Variants in CHRD observed in about 807,000 individuals in gnomAD.
CHRD encodes chordin.
A neutral mutation model predicts 113.7 loss-of-function variants in CHRD; 69 were observed. That is an observed-to-expected ratio of 0.61 (90% CI 0.50 to 0.74). The LOEUF is 0.74. Among genes scored for constraint, CHRD ranks in the 30% least tolerant of loss-of-function variants. CHRD has a pLI of 0.00. For missense variants in CHRD, 1,194 were observed against 1,295.8 expected (o/e 0.92, Z 1.21); for synonymous variants, 561 against 540.8 (o/e 1.04, Z -0.52).
At position 184,380,301 on chromosome 3, in the gene CHRD, A is replaced by G. The variant is rs1228989085; in HGVS notation, c.-18A>G. 7 of 1,102,744 alleles carry G rather than the reference A, an allele frequency of 6.3e-6. No individual in the cohort carries two copies. The South Asian group carries it at 7.2e-5, about 11-fold the overall frequency. The allele number at this position is 1,102,744 out of a possible 1,614,324, so 68.3% of individuals were successfully genotyped here. A position where few individuals can be genotyped will look rare whatever the true frequency, so the allele number is the denominator to read the frequency against. On this transcript the variant is annotated 5_prime_UTR_variant, in exon 1 of 23. Coordinates refer to ENST00000204604, the Ensembl canonical transcript of CHRD. The surrounding 1 kb of genome is among the most constrained non-coding windows in gnomAD (Gnocchi z 6.3). ...GCGCCCTCCTCCCTCCCTCCTCCCC[A>G]GCTGTCCCGTTCGCGTCATGCCGAG...
In CHRD at chr3:184,387,688, A is replaced by G. The variant is rs1395046532; in HGVS notation, c.2451+211A>G. On this transcript the variant is annotated intron_variant, in intron 19 of 22. Coordinates refer to ENST00000204604, the Ensembl canonical transcript of CHRD. The surrounding 1 kb of genome is among the most constrained non-coding windows in gnomAD (Gnocchi z 6.1). ...TGGATTCTGGCTCTGCCAGCTAACTAGTGCCAGTGACCCTAGGCACCTTCT... is the reference window on the plus strand; with the variant it reads ...TGGATTCTGGCTCTGCCAGCTAACTGGTGCCAGTGACCCTAGGCACCTTCT... Among the ~76,000 whole-genome samples, 2 of 152,174 alleles carry G rather than the reference A, an allele frequency of 1.3e-5. No homozygotes were observed. Among genetic ancestry groups the G allele is most frequent in the Non-Finnish European group, 2.9e-5 (2 of 68,016 alleles).
chr3:184,386,709 G>A (rs139430266), exon 16 of CHRD: 5 of 1,612,384 alleles, frequency 3.1e-6, no homozygotes, highest in Admixed American at 3.3e-5. Context: ...CACGGGGCTC[G>A]CTGGGCGCCC....
rs1252090378 is a variant in CHRD at position 184,387,805 on chromosome 3, G to C, written c.2452-126G>C. 1.2e-6 allele frequency: 1 copy of C among 852,186 alleles called. No homozygotes were observed. Among genetic ancestry groups the C allele is most frequent in the African/African-American group, 1.7e-5 (1 of 59,700 alleles). 52.8% of individuals were successfully genotyped at this position (852,186 alleles called of 1,614,324 possible). On this transcript the variant is annotated intron_variant, in intron 19 of 22. Coordinates refer to ENST00000204604, the Ensembl canonical transcript of CHRD. The surrounding 1 kb of genome is among the most constrained non-coding windows in gnomAD (Gnocchi z 6.1). The stretch of plus-strand genomic sequence containing the variant: ...GAGGAGCTGAGTTTAGGTCTATAAA[G>C]CCAGTCCGGGCCTCTGAGTAAAAGG...
chr3:184,384,759 A>G lies in CHRD; in HGVS notation c.1597+66A>G. On this transcript the variant is annotated intron_variant, in intron 13 of 22. Coordinates refer to ENST00000204604, the Ensembl canonical transcript of CHRD. The surrounding 1 kb of genome is among the most constrained non-coding windows in gnomAD (Gnocchi z 4.4). ...GAACATTTGAGGGATGGTGGCAGAC[A>G]GCCGGAGCCTGGTGTGTCTTTCTTT... 1.3e-6 allele frequency: 2 copies of G among 1,494,360 alleles called. No homozygotes were observed. Among genetic ancestry groups the G allele is most frequent in the Non-Finnish European group, 1.8e-6 (2 of 1,122,800 alleles). 92.6% of individuals were successfully genotyped at this position (1,494,360 alleles called of 1,614,324 possible). A position where few individuals can be genotyped will look rare whatever the true frequency, so the allele number is the denominator to read the frequency against.
chr3:184,384,724 T>C lies in CHRD; in HGVS notation c.1597+31T>C, dbSNP rs1716014416. ...TGTCCTTAGGGGTCTGTCTGCCCTT[T>C]GGTTTCCTAGAACATTTGAGGGATG... On this transcript the variant is annotated intron_variant, in intron 13 of 22. Coordinates refer to ENST00000204604, the Ensembl canonical transcript of CHRD. This position sits in a 1 kb window ranked among gnomAD's most constrained non-coding sequence, Gnocchi z 4.4. 1 of 1,514,764 alleles carries C rather than the reference T, an allele frequency of 6.6e-7. No homozygotes were observed. The highest frequency in any genetic ancestry group is 8.8e-7 in the Non-Finnish European group (1 of 1,131,032). The allele number at this position is 1,514,764 out of a possible 1,614,324, so 93.8% of individuals were successfully genotyped here.
chr3:184,386,967 G>A, intron 17 of CHRD, 29 bp downstream of exon 17: 1 of 1,614,212 alleles, frequency 6.2e-7, no homozygotes, highest in East Asian at 2.2e-5. Context: ...AGTGGAGGGA[G>A]GAGTTGGCCC....
Position 184,387,831 on chromosome 3 carries a change from C to A in CHRD, c.2452-100C>A. 9.1e-7 allele frequency: 1 copy of A among 1,101,478 alleles called. No homozygotes were observed. Among genetic ancestry groups the A allele is most frequent in the South Asian group, 1.4e-5 (1 of 73,242 alleles). The allele number at this position is 1,101,478 out of a possible 1,614,324, so 68.2% of individuals were successfully genotyped here. A position where few individuals can be genotyped will look rare whatever the true frequency, so the allele number is the denominator to read the frequency against. Reference sequence around the variant, plus strand: ...CCAGTCCGGGCCTCTGAGTAAAAGGCCACAGAGAGACTGCATTTGAGGTGT... The same window carrying A: ...CCAGTCCGGGCCTCTGAGTAAAAGGACACAGAGAGACTGCATTTGAGGTGT... On this transcript the variant is annotated intron_variant, in intron 19 of 22. Coordinates refer to ENST00000204604, the Ensembl canonical transcript of CHRD. This position sits in a 1 kb window ranked among gnomAD's most constrained non-coding sequence, Gnocchi z 6.1.
chr3:184,389,437 G>A (rs1383189071), exon 23 of CHRD: 2 of 1,612,096 alleles, frequency 1.2e-6, no homozygotes, highest in Non-Finnish European at 1.7e-6. Flanking sequence ...CAGCCAGAGG[G>A]CCAAGTGACC....
intron 6 of CHRD, 126 bp from the exon 7 acceptor site, chr3:184,382,263 T>G: frequency 6.8e-7 from 1 of 1,479,104 alleles, no homozygotes; most frequent in Admixed American, 1.9e-5. Context: ...CGTTCTTTCT[T>G]AAGCTTCCTA....
In CHRD at chr3:184,388,609, G is replaced by C. The variant is rs1161031065; in HGVS notation, c.2577G>C (p.Gln859His). ...CAGTGGGGTCGGGGGCCCACCCCCA[G>C]CTGGGGGACCCCATGCAGGCTGATG... Residue 859 changes from glutamine (Q) to histidine (H), a missense_variant, in exon 21 of 23, where the codon CAG becomes CAC. Gln to His is a conservative substitution (Grantham distance 24). Transcript: ENST00000204604. This position sits in a 1 kb window ranked among gnomAD's most constrained non-coding sequence, Gnocchi z 6.1. The C allele has an allele frequency of 6.2e-7, 1 of 1,612,126 alleles. No individual in the cohort carries two copies. The highest frequency in any genetic ancestry group is 1.7e-5 in the Admixed American group (1 of 60,004).
chr3:184,382,391 C>G, exon 7 of CHRD: 1 of 1,614,180 alleles, frequency 6.2e-7, no homozygotes. Flanking sequence ...TGCTCCAGGT[C>G]TGTGGGGTGT....
At position 184,388,606 on chromosome 3, in the gene CHRD, C is replaced by T. The variant is rs1457636538; in HGVS notation, c.2574C>T (p.Pro858=). The change falls in exon 21 of 23, where the codon CCC becomes CCT. Residue 858 remains proline (P), a synonymous_variant. Transcript: ENST00000204604. This position sits in a 1 kb window ranked among gnomAD's most constrained non-coding sequence, Gnocchi z 6.1. Reference sequence around the variant, plus strand: ...CAACAGTGGGGTCGGGGGCCCACCCCCAGCTGGGGGACCCCATGCAGGCTG... The same window carrying T: ...CAACAGTGGGGTCGGGGGCCCACCCTCAGCTGGGGGACCCCATGCAGGCTG... The T allele has an allele frequency of 1.2e-6, 2 of 1,611,916 alleles. No homozygotes were observed. The highest frequency in any genetic ancestry group is 1.7e-5 in the Admixed American group (1 of 59,998).
At position 184,388,234 on chromosome 3, in the gene CHRD, TCC is replaced by T. The variant is rs1251277623; in HGVS notation, c.2554+202_2554+203del. Reference sequence around the variant, plus strand: ...TGGGTTCTGGTTCCTGCTCCATCCATCCGTCCATCCATCCATCCATCCATCCA... The same window carrying T: ...TGGGTTCTGGTTCCTGCTCCATCCATGTCCATCCATCCATCCATCCATCCA... On this transcript the variant is annotated intron_variant, in intron 20 of 22. Coordinates refer to ENST00000204604, the Ensembl canonical transcript of CHRD. This position sits in a 1 kb window ranked among gnomAD's most constrained non-coding sequence, Gnocchi z 6.1. 9.1e-3 allele frequency among the ~76,000 whole-genome samples: 1,261 copies of T among 138,212 alleles called. 19 individuals are homozygous for T. The highest frequency in any genetic ancestry group is 0.032 in the African/African-American group (1,191 of 37,502). The allele number at this position is 138,212 out of a possible 152,430, so 90.7% of individuals were successfully genotyped here.
chr3:184,386,086 G>A (rs376244825), exon 15 of CHRD: 13 of 1,614,084 alleles, frequency 8.1e-6, no homozygotes, highest in South Asian at 1.1e-5. Flanking sequence ...GAACTGCTGC[G>A]GCACCTGGCA....
In CHRD at chr3:184,381,405, C is replaced by G. The variant is rs145485926; in HGVS notation, c.382+41C>G. 6.3e-7 allele frequency: 1 copy of G among 1,597,374 alleles called. No individual in the cohort carries two copies. The highest frequency in any genetic ancestry group is 8.5e-7 in the Non-Finnish European group (1 of 1,172,576). ...CCCTGCGGGGAGGGAGGCAGGGCCA[C>G]GATACTAGGTCCCGGGCCACTTGGA... On this transcript the variant is annotated intron_variant, in intron 3 of 22. Coordinates refer to ENST00000204604, the Ensembl canonical transcript of CHRD. The surrounding 1 kb of genome is among the most constrained non-coding windows in gnomAD (Gnocchi z 4.7).
Position 184,388,821 on chromosome 3 carries a change from C to T in CHRD, c.2710-72C>T. 6.2e-7 allele frequency: 1 copy of T among 1,603,852 alleles called. No homozygotes were observed. Among genetic ancestry groups the T allele is most frequent in the Non-Finnish European group, 8.5e-7 (1 of 1,172,392 alleles). ...TAGGGAGACCTTCCCAGGGAGGTCCCTGAAGAAGCTGAAGGTCACTGTGTC... is the reference window on the plus strand; with the variant it reads ...TAGGGAGACCTTCCCAGGGAGGTCCTTGAAGAAGCTGAAGGTCACTGTGTC... On this transcript the variant is annotated intron_variant, in intron 21 of 22. Transcript: ENST00000204604. The surrounding 1 kb of genome is among the most constrained non-coding windows in gnomAD (Gnocchi z 6.1).
At position 184,381,753 on chromosome 3, in the gene CHRD, G is replaced by T. The variant is rs769854267; in HGVS notation, c.549G>T (p.Ala183=). ...TGCTGACAGGGCCGAGGTCGCAGGC[G>T]GTGGCACGAGCCCGAGTCTCGCTGC... Residue 183 remains alanine, a synonymous_variant, in exon 5 of 23, where the codon GCG becomes GCT. Coordinates refer to ENST00000204604, the Ensembl canonical transcript of CHRD. This position sits in a 1 kb window ranked among gnomAD's most constrained non-coding sequence, Gnocchi z 4.7. The T allele has an allele frequency of 2.5e-6, 4 of 1,613,166 alleles. No homozygotes were observed. The South Asian group carries it at 4.4e-5, about 18-fold the overall frequency.
In CHRD at chr3:184,387,307, C is replaced by G. The variant is rs1313522234; in HGVS notation, c.2348-67C>G. On this transcript the variant is annotated intron_variant, in intron 18 of 22. Transcript: ENST00000204604. The surrounding 1 kb of genome is among the most constrained non-coding windows in gnomAD (Gnocchi z 6.1). The stretch of plus-strand genomic sequence containing the variant: ...GCTCGTGTGGGGGTGGCCTGAGGCT[C>G]AAGCCTTGGTTGTGGGCCCAGCTGA... 5 of 1,537,426 alleles carry G rather than the reference C, an allele frequency of 3.3e-6. No homozygotes were observed. The highest frequency in any genetic ancestry group is 1.4e-5 in the African/African-American group (1 of 72,906).
intron 14 of CHRD, 104 bp from the exon 15 acceptor site, chr3:184,385,942 T>A: frequency 1.6e-6 from 2 of 1,228,330 alleles, no homozygotes; most frequent in Admixed American, 3.6e-5. Context: ...CCATGAAGAC[T>A]TTATTTAACC....
Sources: gnomAD v4.1 joint callset for allele counts (sites outside exome capture counted in the v4.1 genomes callset) on GRCh38, gnomAD v4.1.1 for gene constraint, Gnocchi (gnomAD v3.1) non-coding constraint, MANE v1.5 for transcripts, NCBI Gene and HGNC (gene_info 2026-07-23, HGNC 2026-07-21) for gene names.